ATRNL1: variants seen among roughly 807,000 people sequenced by gnomAD.
ATRNL1 encodes attractin-like protein 1.
Under a neutral mutation model 182.7 loss-of-function variants are expected in ATRNL1, and 95 were observed. The observed-to-expected ratio is 0.52, with a 90% CI of 0.44 to 0.62. The LOEUF is 0.62. Among genes scored for constraint, ATRNL1 ranks in the 20% least tolerant of loss-of-function variants. The probability of loss-of-function intolerance (pLI) is 0.00; values close to 1 mark genes in which losing one functional copy is unlikely to be tolerated. For synonymous variants in ATRNL1, 576 were observed against 568.3 expected, an observed-to-expected ratio of 1.01 and a Z score of -0.19; for missense variants, 1,471 against 1,679.5, an observed-to-expected ratio of 0.88 and a Z score of 2.17.
chr10:115,267,637 C>T (rs1256535282), intron 12 of ATRNL1, among the ~76,000 whole-genome samples: 3 of 151,732 alleles, frequency 2.0e-5, no homozygotes, highest in African/African-American at 7.3e-5. Flanking sequence ...TATATTAATT[C>T]AGATGTCTTT....
intron 21 of ATRNL1, among the ~76,000 whole-genome samples, chr10:115,444,787 A>G (rs1846875364): frequency 6.6e-6 from 1 of 151,932 alleles, no homozygotes; most frequent in Admixed American, 6.5e-5. Context: ...GAAGGAATAC[A>G]GTGGTGCCAT....
chr10:115,477,864 TA>T (rs1848602414), intron 24 of ATRNL1, among the ~76,000 whole-genome samples: 1 of 151,680 alleles, frequency 6.6e-6, no homozygotes, highest in Admixed American at 6.6e-5. Context: ...AATATTTAAT[TA>T]ATCTGCTGCA....
intron 27 of ATRNL1, among the ~76,000 whole-genome samples, chr10:115,761,517 A>G (rs1948734940): frequency 6.6e-6 from 1 of 152,232 alleles, no homozygotes; most frequent in African/African-American, 2.4e-5. Context: ...TTGAGAAAAC[A>G]GGATTGAAGA....
At chr10:115,304,587 G>A (rs1334722336) in intron 17 of ATRNL1, among the ~76,000 whole-genome samples, 1 of 152,182 alleles carries the variant, frequency 6.6e-6, no homozygotes, top group Non-Finnish European at 1.5e-5. Flanking sequence ...AGTGTGGTGC[G>A]TACCAGGCAG....
At chr10:115,428,151 T>C (rs1845989134) in intron 21 of ATRNL1, among the ~76,000 whole-genome samples, 2 of 152,078 alleles carry the variant, frequency 1.3e-5, no homozygotes, top group African/African-American at 4.8e-5. Flanking sequence ...CCCTGTATAT[T>C]TTAAATTTGT....
chr10:115,399,391 C>G (rs1378059946), intron 20 of ATRNL1, among the ~76,000 whole-genome samples: 1 of 151,934 alleles, frequency 6.6e-6, no homozygotes, highest in Non-Finnish European at 1.5e-5. Context: ...CATCCTGGTT[C>G]AGTCTTGGGA....
intron 19 of ATRNL1, among the ~76,000 whole-genome samples, chr10:115,366,506 T>C (rs1857049439): frequency 6.6e-6 from 1 of 152,122 alleles, no homozygotes; most frequent in Non-Finnish European, 1.5e-5. Context: ...TTGGAGCGTT[T>C]AGTCCATTTA....
intron 5 of ATRNL1, among the ~76,000 whole-genome samples, chr10:115,150,439 C>A (rs1161594915): frequency 6.6e-6 from 1 of 151,804 alleles, no homozygotes; most frequent in Non-Finnish European, 1.5e-5. Context: ...TCATTTTAAA[C>A]CTTTCTGCTT....
chr10:115,777,336 A>G (rs1265221854), intron 27 of ATRNL1, among the ~76,000 whole-genome samples: 1 of 152,190 alleles, frequency 6.6e-6, no homozygotes, highest in African/African-American at 2.4e-5. Context: ...GTATTTATAT[A>G]GCTTCATTTC....
intron 23 of ATRNL1, among the ~76,000 whole-genome samples, chr10:115,468,909 T>C (rs1218588896): frequency 6.6e-6 from 1 of 150,684 alleles, no homozygotes; most frequent in Non-Finnish European, 1.5e-5. Flanking sequence ...TGGGATATTA[T>C]TGGTTTTAAA....
chr10:115,866,803 A>G lies in ATRNL1; in HGVS notation c.4018+18812A>G, dbSNP rs559135913. The stretch of plus-strand genomic sequence containing the variant: ...ACAAGGGATTTTAAAGAGTAATTCA[A>G]AGATCAAACATGATTTTTATCTTTT... On this transcript the variant is annotated intron_variant, in intron 28 of 28. Coordinates refer to ENST00000355044, the MANE Select transcript of ATRNL1 (RefSeq NM_207303.4). Among the ~76,000 whole-genome samples the G allele has an allele frequency of 2.6e-5, 4 of 152,214 alleles. No homozygotes were observed. In the South Asian group the frequency reaches 6.2e-4, roughly 24 times the overall value.
chr10:115,913,638 A>G (rs782629538), intron 28 of ATRNL1, among the ~76,000 whole-genome samples: 33 of 152,330 alleles, frequency 2.2e-4, no homozygotes, highest in Non-Finnish European at 4.4e-4. Flanking sequence ...GATGGCTTTC[A>G]GCTTCCAGTT....
chr10:115,415,727 G>A (rs988058635), intron 20 of ATRNL1, among the ~76,000 whole-genome samples: 13 of 151,662 alleles, frequency 8.6e-5, no homozygotes, highest in Non-Finnish European at 1.3e-4. Flanking sequence ...TTCATTTAGA[G>A]TTTTATTTTG....
intron 26 of ATRNL1, among the ~76,000 whole-genome samples, chr10:115,571,268 G>A (rs562308946): frequency 3.9e-5 from 6 of 152,114 alleles, no homozygotes; most frequent in Admixed American, 1.3e-4. Flanking sequence ...AGACATAAAC[G>A]TGTGGAAAAA....
chr10:115,573,307 C>A (rs1854515265), intron 26 of ATRNL1, among the ~76,000 whole-genome samples: 1 of 151,974 alleles, frequency 6.6e-6, no homozygotes, highest in Non-Finnish European at 1.5e-5. Flanking sequence ...CAGCCAAATT[C>A]TTCTCAGTGT....
intron 26 of ATRNL1, among the ~76,000 whole-genome samples, chr10:115,659,636 T>C (rs1860549704): frequency 6.6e-6 from 1 of 152,088 alleles, no homozygotes; most frequent in African/African-American, 2.4e-5. Context: ...TTTAATGTAA[T>C]GAGTCCTACA....
chr10:115,302,968 C>A (rs191133789), intron 17 of ATRNL1, among the ~76,000 whole-genome samples: 2 of 137,892 alleles, frequency 1.5e-5, no homozygotes, highest in Middle Eastern at 3.6e-3. Context: ...GCCTTTTCAC[C>A]TGAATTAATT....
intron 26 of ATRNL1, among the ~76,000 whole-genome samples, chr10:115,658,211 T>C (rs1331333583): frequency 6.7e-6 from 1 of 148,328 alleles, no homozygotes; most frequent in African/African-American, 2.5e-5. Flanking sequence ...TTCTCCTGCC[T>C]CAGTCTCCTG....
intron 24 of ATRNL1, among the ~76,000 whole-genome samples, chr10:115,474,372 G>A (rs1848438766): frequency 6.6e-6 from 1 of 151,316 alleles, no homozygotes; most frequent in South Asian, 2.1e-4. Context: ...ATCTTCTTCT[G>A]CAATTTTCTT....
Sources: gnomAD v4.1 joint callset for allele counts (sites outside exome capture counted in the v4.1 genomes callset) on GRCh38, gnomAD v4.1.1 for gene constraint, MANE v1.5 for transcripts, NCBI Gene and HGNC (gene_info 2026-07-23, HGNC 2026-07-21) for gene names.